Variants in PDLIM7 observed in about 807,000 individuals in gnomAD.
PDLIM7 encodes the protein PDZ and LIM domain 7.
A neutral mutation model predicts 53.9 loss-of-function variants in PDLIM7; 37 were observed. The ratio of observed to expected loss-of-function variants is 0.69; its 90% CI spans 0.53 to 0.90. PDLIM7 has a LOEUF of 0.90. Among genes scored for constraint, PDLIM7 ranks in the 40% least tolerant of loss-of-function variants. PDLIM7 has a pLI of 0.00. For synonymous variants in PDLIM7, 300 were observed against 261.3 expected (o/e 1.15, Z -1.43); for missense variants, 617 against 638.5 (o/e 0.97, Z 0.36).
chr5:177,489,121 G>A (rs1372717444), intron 9 of PDLIM7, among the ~76,000 whole-genome samples: 1 of 152,238 alleles, frequency 6.6e-6, no homozygotes, highest in East Asian at 1.9e-4. Context: ...TTTGCCCAGA[G>A]AGCAGCAAAG....
chr5:177,486,724 T>A (rs372897838), intron 10 of PDLIM7, among the ~76,000 whole-genome samples: 5 of 151,782 alleles, frequency 3.3e-5, no homozygotes, highest in Non-Finnish European at 7.4e-5. Flanking sequence ...CTGCAAGCTC[T>A]GCCTCCCAGG....
intron 10 of PDLIM7, among the ~76,000 whole-genome samples, chr5:177,487,580 C>T (rs183035632): frequency 2.0e-4 from 30 of 152,352 alleles, no homozygotes; most frequent in African/African-American, 7.2e-4. Context: ...GACCACCCAC[C>T]CCGGGATGTT....
Position 177,483,585 on chromosome 5 carries a change from G to A in PDLIM7, c.*59C>T, listed in dbSNP as rs555131258. ...TGCCAGCCCTACCCAGAAATGCAGG[G>A]CCACGACTCCAGGCCCCTCAGGCTA... On this transcript the variant is annotated 3_prime_UTR_variant, in exon 13 of 13. Transcript: ENST00000355841. 27 of 1,294,558 alleles carry A rather than the reference G, an allele frequency of 2.1e-5. No homozygotes were observed. The Admixed American group carries it at 3.5e-4, about 17-fold the overall frequency. 80.2% of individuals were successfully genotyped at this position (1,294,558 alleles called of 1,614,324 possible).
intron 2 of PDLIM7, among the ~76,000 whole-genome samples, chr5:177,494,069 TAGATAAGAA>T (rs1321309732): frequency 6.6e-6 from 1 of 152,222 alleles, no homozygotes; most frequent in African/African-American, 2.4e-5. Context: ...CCTCACTCGC[TAGATAAGAA>T]GACTTGCTTC....
At chr5:177,490,421 G>A in intron 7 of PDLIM7, 1 of 1,508,852 alleles carries the variant, frequency 6.6e-7, no homozygotes. Flanking sequence ...AGAAGCTGGA[G>A]GCACTAAGGG....
chr5:177,483,630 T>G lies in PDLIM7; in HGVS notation c.*14A>C, dbSNP rs755284696. ...AGGCTAGGGGCCACCGCGGCAGCTG[T>G]GGGCAGAAGGGGCTCACACATGAGA... On this transcript the variant is annotated 3_prime_UTR_variant, in exon 13 of 13. Coordinates refer to ENST00000355841, the MANE Select transcript of PDLIM7 (RefSeq NM_005451.5). The G allele has an allele frequency of 4.3e-5, 69 of 1,588,080 alleles. No homozygotes were observed. The highest frequency in any genetic ancestry group is 5.6e-5 in the Non-Finnish European group (65 of 1,157,992).
intron 10 of PDLIM7, among the ~76,000 whole-genome samples, chr5:177,486,183 T>G (rs1240636813): frequency 6.6e-6 from 1 of 151,948 alleles, no homozygotes. Flanking sequence ...CCTCCCAAAG[T>G]GCTGGGATTA....
chr5:177,492,804 T>C (rs757074283), intron 2 of PDLIM7, 127 bp from the exon 3 acceptor site: 5 of 1,056,328 alleles, frequency 4.7e-6, no homozygotes, highest in Non-Finnish European at 6.9e-6. Flanking sequence ...TCATTCAACA[T>C]AGTTCTAGGC....
In PDLIM7 at chr5:177,489,426, G is replaced by A. The variant is rs766643162; in HGVS notation, c.836C>T (p.Thr279Ile). 3 of 1,599,490 alleles carry A rather than the reference G, an allele frequency of 1.9e-6. No individual in the cohort carries two copies. The highest frequency in any genetic ancestry group is 2.7e-5 in the African/African-American group (2 of 74,984). The change falls in exon 9 of 13, where the codon ACT (threonine) becomes ATT (isoleucine). Residue 279 changes from threonine (T) to isoleucine (I), a missense_variant. Coordinates refer to ENST00000355841, the MANE Select transcript of PDLIM7 (RefSeq NM_005451.5). ...VPGGGSNNGKTPVCHQCHKVI... is the reference protein window; with the variant it reads ...VPGGGSNNGKIPVCHQCHKVI... ...CTTGTGGCACTGGTGACACACGGGA[G>A]TCTTGCCGTTGTTGCTGCCCCCTCC...
chr5:177,490,704 AG>A, intron 7 of PDLIM7, 165 bp downstream of exon 7: 1 of 905,216 alleles, frequency 1.1e-6, no homozygotes, highest in East Asian at 2.7e-5. Context: ...GAAGGAAGGA[AG>A]GAGGAAGGGA....
intron 7 of PDLIM7, chr5:177,490,156 A>G: frequency 6.8e-7 from 1 of 1,470,210 alleles, no homozygotes; most frequent in Non-Finnish European, 9.1e-7. Flanking sequence ...GAAAACGAGG[A>G]CGGCAGGGCC....
Position 177,491,749 on chromosome 5 carries a change from G to A in PDLIM7, c.398+58C>T, listed in dbSNP as rs1215186080. ...ACAGACTGAGCAGCAGCGGGCAGCG[G>A]GCGTGGGGCCACAGTGGGCCTGATG... On this transcript the variant is annotated intron_variant, in intron 5 of 12. Coordinates refer to ENST00000355841, the MANE Select transcript of PDLIM7 (RefSeq NM_005451.5). 1.4e-5 allele frequency: 12 copies of A among 840,588 alleles called. 1 individual carries two copies. Among genetic ancestry groups the A allele is most frequent in the Non-Finnish European group, 2.0e-5 (12 of 606,978 alleles). The allele number at this position is 840,588 out of a possible 1,614,324, so 52.1% of individuals were successfully genotyped here.
In PDLIM7 at chr5:177,488,592, G is replaced by A. The variant is rs534482636; in HGVS notation, c.870-344C>T. ...CTGGCCTGCCTGTTCTACCTGGCAAGAGCTGATAGAGTCGGCTGGGCACAG... is the reference window on the plus strand; with the variant it reads ...CTGGCCTGCCTGTTCTACCTGGCAAAAGCTGATAGAGTCGGCTGGGCACAG... On this transcript the variant is annotated intron_variant, in intron 9 of 12. Coordinates refer to ENST00000355841, the MANE Select transcript of PDLIM7 (RefSeq NM_005451.5). Among the ~76,000 whole-genome samples, 4 of 152,340 alleles carry A rather than the reference G, an allele frequency of 2.6e-5. No individual in the cohort carries two copies. The East Asian group carries it at 7.7e-4, about 29-fold the overall frequency.
In PDLIM7 at chr5:177,483,582, AGGGCCACGACTCCAGGCCCCTCAGGCTAG is replaced by A. The variant is rs1024226948; in HGVS notation, c.*33_*61del. ...CATTGCCAGCCCTACCCAGAAATGC[AGGGCCACGACTCCAGGCCCCTCAGGCTAG>A]GGGCCACCGCGGCAGCTGTGGGCAG... is the stretch of plus-strand genomic sequence containing the variant. On this transcript the variant is annotated 3_prime_UTR_variant, in exon 13 of 13. Coordinates refer to ENST00000355841, the MANE Select transcript of PDLIM7 (RefSeq NM_005451.5). 4.7e-5 allele frequency: 59 copies of A among 1,252,924 alleles called. No individual in the cohort carries two copies. The highest frequency in any genetic ancestry group is 6.6e-5 in the Non-Finnish European group (58 of 873,242). The allele number at this position is 1,252,924 out of a possible 1,614,324, so 77.6% of individuals were successfully genotyped here.
intron 9 of PDLIM7, among the ~76,000 whole-genome samples, chr5:177,489,176 G>A (rs1758611752): frequency 6.6e-6 from 1 of 152,230 alleles, no homozygotes; most frequent in Non-Finnish European, 1.5e-5. Context: ...CGGCTATTTC[G>A]CCACGGCAGA....
chr5:177,489,448 C>T lies in PDLIM7; in HGVS notation c.814G>A (p.Gly272Arg). 1 of 1,604,166 alleles carries T rather than the reference C, an allele frequency of 6.2e-7. No homozygotes were observed. The highest frequency in any genetic ancestry group is 1.1e-5 in the South Asian group (1 of 89,300). Residue 272 changes from glycine to arginine, a missense_variant, in exon 9 of 13, where the codon GGG (glycine) becomes AGG (arginine). By Grantham distance (125) the Gly-to-Arg change is moderately radical. Coordinates refer to ENST00000355841, the MANE Select transcript of PDLIM7 (RefSeq NM_005451.5). ...GGAGTCTTGCCGTTGTTGCTGCCCC[C>T]TCCTGGCACCCCTCCGGCAGCTGCC... ...VQAAAGGVPG[G>R]GSNNGKTPVC...
At position 177,491,955 on chromosome 5, in the gene PDLIM7, G is replaced by A; in HGVS notation, c.280-30C>T. ...GCAGAGACACAGCCGGGCAGGGCGG[G>A]CGGGCAGGGTAAGGTGGGGGCCTGG... is the stretch of plus-strand genomic sequence containing the variant. On this transcript the variant is annotated intron_variant, in intron 4 of 12. Coordinates refer to ENST00000355841, the MANE Select transcript of PDLIM7 (RefSeq NM_005451.5). 3.5e-6 allele frequency: 3 copies of A among 864,694 alleles called. 1 individual carries two copies. Among genetic ancestry groups the A allele is most frequent in the Non-Finnish European group, 3.2e-6 (2 of 626,426 alleles). 53.6% of individuals were successfully genotyped at this position (864,694 alleles called of 1,614,324 possible).
chr5:177,486,174 C>T (rs553393654), intron 10 of PDLIM7, among the ~76,000 whole-genome samples: 1 of 152,114 alleles, frequency 6.6e-6, no homozygotes, highest in South Asian at 2.1e-4. Flanking sequence ...CCACCTTGGC[C>T]TCCCAAAGTG....
rs1383775368 is a variant in PDLIM7 at position 177,486,916 on chromosome 5, C to T, written c.1050+1152G>A. ...AAAGTGCTGGGATTACAGGTGTGAG[C>T]CACCGTGCCTGGCCCTTTTTTTTTT... On this transcript the variant is annotated intron_variant, in intron 10 of 12. Transcript: ENST00000355841. Among the ~76,000 whole-genome samples the T allele has an allele frequency of 2.2e-5, 3 of 137,100 alleles. No homozygotes were observed. The East Asian group carries it at 6.9e-4, about 31-fold the overall frequency. 89.9% of individuals were successfully genotyped at this position (137,100 alleles called of 152,430 possible).
Sources: gnomAD v4.1 joint callset for allele counts (sites outside exome capture counted in the v4.1 genomes callset) on GRCh38, gnomAD v4.1.1 for gene constraint, MANE v1.5 for transcripts, NCBI Gene and HGNC (gene_info 2026-07-23, HGNC 2026-07-21) for gene names.